ODC1: variants seen among roughly 807,000 people sequenced by gnomAD.
ODC1 encodes the protein ornithine decarboxylase.
A neutral mutation model predicts 41.5 loss-of-function variants in ODC1; 18 were observed. The ratio of observed to expected loss-of-function variants is 0.43; its 90% CI spans 0.30 to 0.64. The LOEUF is 0.64. Among genes scored for constraint, ODC1 ranks in the 30% least tolerant of loss-of-function variants. The pLI is 0.11. For synonymous variants in ODC1, 218 were observed against 211.6 expected (o/e 1.03, Z -0.26); for missense variants, 504 against 589.0 (o/e 0.86, Z 1.49).
At position 10,443,556 on chromosome 2, in the gene ODC1, G is replaced by A. The variant is rs755925883; in HGVS notation, c.600C>T (p.Ser200=). 2.0e-5 allele frequency: 32 copies of A among 1,613,496 alleles called. No homozygotes were observed. In the Middle Eastern group the frequency reaches 4.9e-4, roughly 25 times the overall value. The change falls in exon 7 of 12, where the codon AGC becomes AGT. Residue 200 remains serine, a synonymous_variant. Coordinates refer to ENST00000234111, the MANE Select transcript of ODC1 (RefSeq NM_002539.3). The part of the protein sequence containing the change: ...DVVGVSFHVG[S]GCTDPETFVQ... ...CGAAGGTCTCAGGATCGGTACAGCC[G>A]CTTCCTACATGGAAGCTGGGGTAAA...
Position 10,441,482 on chromosome 2 carries a change from C to T in ODC1, c.1241+27G>A, listed in dbSNP as rs374437813. The T allele has an allele frequency of 2.8e-4, 452 of 1,606,516 alleles. 4 individuals are homozygous for T. The South Asian group carries it at 4.9e-3, about 17-fold the overall frequency. ...CCAAGAAGGTGCCTATTCTTGGCAG[C>T]ACCATCAACATGCATGGCTTACTTA... On this transcript the variant is annotated intron_variant, in intron 11 of 11. Coordinates refer to ENST00000234111, the MANE Select transcript of ODC1 (RefSeq NM_002539.3).
At position 10,441,627 on chromosome 2, in the gene ODC1, T is replaced by C. The variant is rs1572141887; in HGVS notation, c.1123A>G (p.Met375Val). ...AAGAGCATCCAATCACCCACATGCATTTCAGGCAGGTCACAGCGCTCAACA... is the reference window on the plus strand; with the variant it reads ...AAGAGCATCCAATCACCCACATGCACTTCAGGCAGGTCACAGCGCTCAACA... The part of the protein sequence containing the change: ...RIVERCDLPE[M>V]HVGDWMLFEN... The change falls in exon 11 of 12, where the codon ATG becomes GTG. Residue 375 changes from methionine (M) to valine (V), a missense_variant. By Grantham distance (21) the Met-to-Val change is conservative. This residue lies in a region of ODC1 where 447 missense variants were observed against 524.4 expected (regional missense o/e 0.85). Transcript: ENST00000234111. 6.2e-7 allele frequency: 1 copy of C among 1,614,192 alleles called. No individual in the cohort carries two copies.
intron 1 of ODC1, among the ~76,000 whole-genome samples, chr2:10,447,154 A>T (rs1431049481): frequency 6.6e-6 from 1 of 152,134 alleles, no homozygotes; most frequent in Non-Finnish European, 1.5e-5. Context: ...GCTTTTCTGT[A>T]TCTTTTAAGG....
chr2:10,443,938 T>G, intron 5 of ODC1, 102 bp from the exon 6 acceptor site: 9 of 1,530,316 alleles, frequency 5.9e-6, no homozygotes, highest in Non-Finnish European at 4.4e-6. Context: ...CGCTGATATA[T>G]TCTGTAGTTT....
Position 10,441,917 on chromosome 2 carries a change from G to A in ODC1, c.926C>T (p.Ser309Leu), listed in dbSNP as rs141844180. Residue 309 changes from serine to leucine, a missense_variant, in exon 10 of 12, where the codon TCG becomes TTG. Ser to Leu is a moderately radical substitution (Grantham distance 145). Coordinates refer to ENST00000234111, the MANE Select transcript of ODC1 (RefSeq NM_002539.3). ...EQTGSDDEDE[S>L]SEQTFMYYVN... ...ATAATACATAAAGGTCTGCTCACTC[G>A]ACTCATCTTCGTCTAGAAAGGCAGA... The A allele has an allele frequency of 3.0e-5, 49 of 1,613,840 alleles. No homozygotes were observed. Among genetic ancestry groups the A allele is most frequent in the Non-Finnish European group, 3.6e-5 (42 of 1,179,976 alleles).
In ODC1 at chr2:10,441,582, T is replaced by C; in HGVS notation, c.1168A>G (p.Thr390Ala). ...TTGAACGTAGAGGCAGCAGCAACAG[T>C]GTAAGCGCCCATGTTTTCAAAGAGC... ...WMLFENMGAY[T>A]VAAASTFNGF... Residue 390 changes from threonine to alanine, a missense_variant, in exon 11 of 12, where the codon ACT becomes GCT. Coordinates refer to ENST00000234111, the MANE Select transcript of ODC1 (RefSeq NM_002539.3). The C allele has an allele frequency of 1.2e-6, 2 of 1,614,150 alleles. No individual in the cohort carries two copies. The highest frequency in any genetic ancestry group is 1.7e-6 in the Non-Finnish European group (2 of 1,180,032).
chr2:10,442,317 A>G, intron 8 of ODC1, 143 bp from the exon 9 acceptor site: 1 of 832,874 alleles, frequency 1.2e-6, no homozygotes, highest in Non-Finnish European at 1.8e-6. Context: ...CAAAAGCAAA[A>G]AAACATCAAC....
In ODC1 at chr2:10,441,871, T is replaced by C. The variant is rs765298505; in HGVS notation, c.972A>G (p.Gly324=). Residue 324 remains glycine, a synonymous_variant, in exon 10 of 12, where the codon GGA becomes GGG. Coordinates refer to ENST00000234111, the MANE Select transcript of ODC1 (RefSeq NM_002539.3). Reference sequence around the variant, plus strand: ...GGTCATAGAGTATGCAATTAAATGATCCATAGACGCCATCATTCACATAAT... The same window carrying C: ...GGTCATAGAGTATGCAATTAAATGACCCATAGACGCCATCATTCACATAAT... ...FMYYVNDGVY[G]SFNCILYDHA... is the part of the protein sequence containing the mutation. 20 of 1,614,076 alleles carry C rather than the reference T, an allele frequency of 1.2e-5. No homozygotes were observed. Among genetic ancestry groups the C allele is most frequent in the Non-Finnish European group, 1.7e-6 (2 of 1,180,048 alleles).
chr2:10,442,241 T>C, intron 8 of ODC1, 67 bp from the exon 9 acceptor site: 4 of 1,479,296 alleles, frequency 2.7e-6, no homozygotes, highest in Non-Finnish European at 3.7e-6. Context: ...GGGAGTAACA[T>C]CACAGGGCCT....
chr2:10,443,504 C>T lies in ODC1; in HGVS notation c.652G>A (p.Val218Ile), dbSNP rs747898520. The stretch of plus-strand genomic sequence containing the variant: ...CGTATACTCACCCCCATGTCAAAAA[C>T]ACAGCGGGCATCAGAGATTGCCTGC... ...FVQAISDARC[V>I]FDMGAEVGFS... is the part of the protein sequence containing the mutation. Residue 218 changes from valine (V) to isoleucine (I), a missense_variant, in exon 7 of 12, where the codon GTT becomes ATT. Physicochemically the swap from Val to Ile is conservative, Grantham distance 29. This residue lies in a region of ODC1 where 447 missense variants were observed against 524.4 expected (regional missense o/e 0.85). Transcript: ENST00000234111. The T allele has an allele frequency of 6.2e-7, 1 of 1,614,022 alleles. No homozygotes were observed. Among genetic ancestry groups the T allele is most frequent in the Non-Finnish European group, 8.5e-7 (1 of 1,179,934 alleles).
intron 3 of ODC1, 87 bp downstream of exon 3, chr2:10,444,844 C>T: frequency 1.0e-6 from 1 of 972,262 alleles, no homozygotes; most frequent in Admixed American, 2.0e-5. Flanking sequence ...ACATGTAAGC[C>T]TCATTGCTCT....
rs769934788 is a variant in ODC1 at position 10,442,127 on chromosome 2, G to C, written c.798C>G (p.Asp266Glu). 42 of 1,613,826 alleles carry C rather than the reference G, an allele frequency of 2.6e-5. No individual in the cohort carries two copies. Among genetic ancestry groups the C allele is most frequent in the Non-Finnish European group, 3.5e-5 (41 of 1,179,966 alleles). ...NPALDKYFPS[D>E]SGVRIIAEPG... ...GCTCAGCTATGATTCTCACTCCAGA[G>C]TCTGACGGAAAGTATTTGTCCAACG... is the stretch of plus-strand genomic sequence containing the variant. Residue 266 changes from aspartate to glutamate, a missense_variant, in exon 9 of 12, where the codon GAC becomes GAG. Physicochemically the swap from Asp to Glu is conservative, Grantham distance 45. Transcript: ENST00000234111.
rs1170674037 is a variant in ODC1, at chr2:10,441,843, C to T, written c.1000G>A (p.Ala334Thr). ...GSFNCILYDH[A>T]HVKPLLQKRP... Reference sequence around the variant, plus strand: ...TTTTGCAGAAGGGGCTTTACATGTGCGTGGTCATAGAGTATGCAATTAAAT... The same window carrying T: ...TTTTGCAGAAGGGGCTTTACATGTGTGTGGTCATAGAGTATGCAATTAAAT... Residue 334 changes from alanine (A) to threonine (T), a missense_variant, in exon 10 of 12, where the codon GCA becomes ACA. Ala to Thr is a moderately conservative substitution (Grantham distance 58). Coordinates refer to ENST00000234111, the MANE Select transcript of ODC1 (RefSeq NM_002539.3). The T allele has an allele frequency of 1.4e-5, 22 of 1,614,094 alleles. No homozygotes were observed. The highest frequency in any genetic ancestry group is 1.8e-5 in the Non-Finnish European group (21 of 1,179,976).
Position 10,444,265 on chromosome 2 carries a change from A to C in ODC1, c.279T>G (p.Thr93=), listed in dbSNP as rs749148957. 7.6e-6 allele frequency: 12 copies of C among 1,572,142 alleles called. No homozygotes were observed. Among genetic ancestry groups the C allele is most frequent in the Non-Finnish European group, 1.0e-5 (12 of 1,162,924 alleles). Residue 93 remains threonine (T), a splice_region_variant and synonymous_variant, in exon 5 of 12, where the codon ACT becomes ACG. Coordinates refer to ENST00000234111, the MANE Select transcript of ODC1 (RefSeq NM_002539.3). ...CCAGACTCTGCACCAACTGTATTTCAGTCTGAAAAAGAAGAGTGGTGTCAT... is the reference window on the plus strand; with the variant it reads ...CCAGACTCTGCACCAACTGTATTTCCGTCTGAAAAAGAAGAGTGGTGTCAT... ...TGTGFDCASK[T]EIQLVQSLGV...
chr2:10,447,876 G>A (rs960781227), intron 1 of ODC1: 5 of 152,238 alleles, frequency 3.3e-5, no homozygotes, highest in Admixed American at 2.6e-4. Context: ...GTCTCCCCTA[G>A]GCCCCTCCAG....
chr2:10,441,018 G>A (rs1671802888), intron 11 of ODC1, 150 bp from the exon 12 acceptor site: 6 of 898,872 alleles, frequency 6.7e-6, no homozygotes, highest in South Asian at 5.4e-5. Context: ...ATACAATGGT[G>A]CTATCATAGC....
chr2:10,444,837 T>C lies in ODC1; in HGVS notation c.102+94A>G. 8 of 941,584 alleles carry C rather than the reference T, an allele frequency of 8.5e-6. 1 individual carries two copies. The South Asian group carries it at 8.7e-5, about 10-fold the overall frequency. The allele number at this position is 941,584 out of a possible 1,614,324, so 58.3% of individuals were successfully genotyped here. On this transcript the variant is annotated intron_variant, in intron 3 of 11. Transcript: ENST00000234111. ...AATTTCTACATTCCATAACAAGACA[T>C]GTAAGCCTCATTGCTCTTCCTTAGA...
At chr2:10,440,937 C>T in intron 11 of ODC1, 69 bp from the exon 12 acceptor site, 2 of 1,538,760 alleles carry the variant, frequency 1.3e-6, no homozygotes, top group Non-Finnish European at 1.8e-6. Flanking sequence ...GTATTTACTT[C>T]CCATCAGGAA....
intron 11 of ODC1, among the ~76,000 whole-genome samples, 191 bp downstream of exon 11, chr2:10,441,318 T>C (rs964313278): frequency 6.6e-6 from 1 of 152,240 alleles, no homozygotes; most frequent in African/African-American, 2.4e-5. Context: ...ACAAGACACA[T>C]GGCATGAACT....
Sources: gnomAD v4.1 joint callset for allele counts (sites outside exome capture counted in the v4.1 genomes callset) on GRCh38, gnomAD v4.1.1 for gene constraint, gnomAD v4.1.1 regional missense constraint, MANE v1.5 for transcripts, NCBI Gene and HGNC (gene_info 2026-07-23, HGNC 2026-07-21) for gene names.